CACNA2D3: variants seen among roughly 807,000 people sequenced by gnomAD.
The protein encoded by CACNA2D3 is voltage-dependent calcium channel subunit alpha-2/delta-3.
CACNA2D3 carries 60 observed loss-of-function variants against 160.6 expected under a neutral mutation model. The ratio of observed to expected loss-of-function variants is 0.37; its 90% CI spans 0.30 to 0.46. The LOEUF is 0.46. Ranked by LOEUF, CACNA2D3 falls within the 20% of genes least tolerant of loss-of-function variation. The pLI is 1.00. For missense variants in CACNA2D3, 1,205 were observed against 1,365.0 expected, an observed-to-expected ratio of 0.88 and a Z score of 1.85; for synonymous variants, 558 against 492.9, an observed-to-expected ratio of 1.13 and a Z score of -1.75.
At chr3:55,067,596 A>C (rs1704691486) in intron 35 of CACNA2D3, among the ~76,000 whole-genome samples, 1 of 152,188 alleles carries the variant, frequency 6.6e-6, no homozygotes, top group Non-Finnish European at 1.5e-5. Flanking sequence ...TCAGGGTTAC[A>C]GATGGAGTTC....
At chr3:54,578,103 A>G (rs1319023504) in intron 8 of CACNA2D3, among the ~76,000 whole-genome samples, 2 of 152,304 alleles carry the variant, frequency 1.3e-5, no homozygotes, top group East Asian at 3.9e-4. Flanking sequence ...GAAATTTGCA[A>G]GAAGGACTAA....
At chr3:54,880,594 A>C (rs2106841151) in intron 20 of CACNA2D3, among the ~76,000 whole-genome samples, 1 of 152,348 alleles carries the variant, frequency 6.6e-6, no homozygotes, top group African/African-American at 2.4e-5. Flanking sequence ...TCTGATCAGA[A>C]GTTACTTTGA....
chr3:54,463,577 G>C (rs1257954545), intron 4 of CACNA2D3, among the ~76,000 whole-genome samples: 1 of 150,924 alleles, frequency 6.6e-6, no homozygotes, highest in Non-Finnish European at 1.5e-5. Context: ...GGCTCCTGAG[G>C]CTTCTGCATT....
intron 4 of CACNA2D3, among the ~76,000 whole-genome samples, chr3:54,454,395 C>T (rs1339200610): frequency 2.0e-5 from 3 of 152,122 alleles, no homozygotes; most frequent in Non-Finnish European, 2.9e-5. Flanking sequence ...CACCCCATTG[C>T]CTCACTCCTG....
intron 31 of CACNA2D3, among the ~76,000 whole-genome samples, chr3:55,000,453 A>T (rs1420704741): frequency 6.6e-6 from 1 of 152,202 alleles, no homozygotes; most frequent in Non-Finnish European, 1.5e-5. Flanking sequence ...TCTAATTCAC[A>T]TGGGGCTTAA....
At chr3:54,926,285 G>A (rs66536204) in intron 27 of CACNA2D3, among the ~76,000 whole-genome samples, 65,884 of 151,932 alleles carry the variant, frequency 0.43, 15,243 homozygotes, top group East Asian at 0.76. Flanking sequence ...TGTAAATATG[G>A]TTCCATTATT....
chr3:54,577,871 C>G (rs1486487673), intron 8 of CACNA2D3, among the ~76,000 whole-genome samples: 16 of 152,166 alleles, frequency 1.1e-4, no homozygotes, highest in Admixed American at 1.0e-3. Flanking sequence ...CTGTTCTACC[C>G]TTGTGAGAAT....
At chr3:54,198,498 C>T (rs1701120727) in intron 2 of CACNA2D3, among the ~76,000 whole-genome samples, 1 of 152,234 alleles carries the variant, frequency 6.6e-6, no homozygotes. Flanking sequence ...CTGTGGGGCT[C>T]TGTTCATTTG....
Position 54,163,726 on chromosome 3 carries a change from A to G in CACNA2D3, c.204+40132A>G, listed in dbSNP as rs76117471. On this transcript the variant is annotated intron_variant, in intron 2 of 37. Transcript: ENST00000474759. Reference sequence around the variant, plus strand: ...TTGCGGAAGATCCCATGCAGAAACAAATGTCACACTGCAGCTGCAAGGACA... The same window carrying G: ...TTGCGGAAGATCCCATGCAGAAACAGATGTCACACTGCAGCTGCAAGGACA... Among the ~76,000 whole-genome samples the G allele has an allele frequency of 0.014, 2,168 of 152,248 alleles. 124 individuals carry two copies. In the East Asian group the frequency reaches 0.21, roughly 14 times the overall value.
Position 54,165,600 on chromosome 3 carries a change from T to TAAAA in CACNA2D3, c.204+42022_204+42025dup, listed in dbSNP as rs373085382. Among the ~76,000 whole-genome samples the TAAAA allele has an allele frequency of 1.4e-3, 129 of 93,414 alleles. 1 individual carries two copies. The highest frequency in any genetic ancestry group is 2.1e-3 in the Non-Finnish European group (97 of 46,208). The allele number at this position is 93,414 out of a possible 152,430, so 61.3% of individuals were successfully genotyped here. ...CCTTTGGGAAGCCCAGTTCCATCTCTAAAAAAAAAAAAAAAAAAAGAAAAA... is the reference window on the plus strand; with the variant it reads ...CCTTTGGGAAGCCCAGTTCCATCTCTAAAAAAAAAAAAAAAAAAAAAAAGAAAAA... On this transcript the variant is annotated intron_variant, in intron 2 of 37. Coordinates refer to ENST00000474759, the MANE Select transcript of CACNA2D3 (RefSeq NM_018398.3).
At chr3:54,348,686 A>G (rs1202616433) in intron 3 of CACNA2D3, among the ~76,000 whole-genome samples, 2 of 152,226 alleles carry the variant, frequency 1.3e-5, no homozygotes, top group African/African-American at 4.8e-5. Context: ...TGTCAAGAAG[A>G]GAGATGCTGT....
intron 4 of CACNA2D3, among the ~76,000 whole-genome samples, chr3:54,467,834 T>G (rs1410526274): frequency 6.6e-6 from 1 of 152,138 alleles, no homozygotes; most frequent in South Asian, 2.1e-4. Context: ...GAATTAAGAA[T>G]GACATATTCT....
At chr3:54,883,416 G>A (rs1465188401) in intron 21 of CACNA2D3, among the ~76,000 whole-genome samples, 1 of 152,194 alleles carries the variant, frequency 6.6e-6, no homozygotes, top group East Asian at 1.9e-4. Context: ...CAGTGGATAT[G>A]ATTTTTATCA....
intron 5 of CACNA2D3, among the ~76,000 whole-genome samples, chr3:54,552,685 A>G (rs1702178163): frequency 6.6e-6 from 1 of 152,174 alleles, no homozygotes; most frequent in South Asian, 2.1e-4. Flanking sequence ...CTAAGTGGCC[A>G]TCTCTGCCGC....
intron 13 of CACNA2D3, among the ~76,000 whole-genome samples, chr3:54,778,803 G>A (rs1024559992): frequency 3.3e-5 from 5 of 152,102 alleles, no homozygotes; most frequent in African/African-American, 1.2e-4. Flanking sequence ...GATAAGAATG[G>A]CATCTTCTCC....
intron 11 of CACNA2D3, among the ~76,000 whole-genome samples, chr3:54,681,748 G>A (rs74664572): frequency 0.036 from 5,523 of 151,958 alleles, 148 homozygotes; most frequent in Non-Finnish European, 0.053. Flanking sequence ...ATGCAATCTC[G>A]GCTCACTGCA....
intron 3 of CACNA2D3, among the ~76,000 whole-genome samples, chr3:54,336,965 G>A (rs1006627474): frequency 2.0e-5 from 3 of 152,148 alleles, no homozygotes; most frequent in Non-Finnish European, 4.4e-5. Context: ...GTAGAGGTCA[G>A]GGCTGAAGGA....
intron 14 of CACNA2D3, among the ~76,000 whole-genome samples, chr3:54,833,921 A>C (rs180765223): frequency 2.0e-5 from 3 of 152,132 alleles, no homozygotes; most frequent in Non-Finnish European, 4.4e-5. Flanking sequence ...CCCCTAGGAG[A>C]GGTCCATGAG....
chr3:54,822,977 C>T (rs553786577), intron 14 of CACNA2D3, among the ~76,000 whole-genome samples: 31 of 151,820 alleles, frequency 2.0e-4, no homozygotes, highest in Admixed American at 1.8e-3. Context: ...GCCTCAGCCT[C>T]CCGAGTAGCT....
Sources: allele counts gnomAD v4.1 joint callset (sites outside exome capture counted in the v4.1 genomes callset), GRCh38; gene constraint gnomAD v4.1.1; transcripts MANE v1.5; gene names NCBI Gene and HGNC (gene_info 2026-07-23, HGNC 2026-07-21).